The following TOP3A variants were observed in gnomAD, a reference collection of about 807,000 sequenced individuals.
TOP3A encodes DNA topoisomerase 3-alpha.
Under a neutral mutation model 111.3 loss-of-function variants are expected in TOP3A, and 64 were observed. That is an observed-to-expected ratio of 0.57 (90% CI 0.47 to 0.71). The LOEUF (loss-of-function observed/expected upper bound fraction) is 0.71, where lower values mean the gene tolerates loss of function less well. Ranked by LOEUF, TOP3A falls within the 30% of genes least tolerant of loss-of-function variation. The pLI is 0.00. For missense variants in TOP3A, 1,104 were observed against 1,285.0 expected (o/e 0.86, Z 2.15); for synonymous variants, 484 against 485.1 (o/e 1.00, Z 0.03).
chr17:18,287,300 G>A (rs1161172927), intron 13 of TOP3A, among the ~76,000 whole-genome samples: 1 of 151,824 alleles, frequency 6.6e-6, no homozygotes, highest in South Asian at 2.1e-4. Context: ...TTGGGAGACC[G>A]AGGCGGGTGG....
intron 13 of TOP3A, among the ~76,000 whole-genome samples, chr17:18,285,796 G>A (rs1980057641): frequency 1.3e-5 from 2 of 152,130 alleles, no homozygotes; most frequent in African/African-American, 4.8e-5. Context: ...AGCCATACTT[G>A]CAGCTTGTGT....
chr17:18,286,421 C>T (rs1238111637), intron 13 of TOP3A, among the ~76,000 whole-genome samples: 1 of 151,706 alleles, frequency 6.6e-6, no homozygotes, highest in Non-Finnish European at 1.5e-5. Flanking sequence ...GAGGCTGACA[C>T]AGAAGAATGG....
intron 5 of TOP3A, among the ~76,000 whole-genome samples, chr17:18,304,841 G>C (rs1377162365): frequency 6.6e-6 from 1 of 151,884 alleles, no homozygotes. Flanking sequence ...ATGAGTCCTG[G>C]GCTAAATGGT....
In TOP3A at chr17:18,314,836, G is replaced by C. The variant is rs981047938; in HGVS notation, c.-58C>G. ...CTGCCGGCGCATCCTGGGGAAGCCAGAGATGAGGCTCAAATGGCGCCCACC... is the reference window on the plus strand; with the variant it reads ...CTGCCGGCGCATCCTGGGGAAGCCACAGATGAGGCTCAAATGGCGCCCACC... On this transcript the variant is annotated 5_prime_UTR_variant, in exon 1 of 19. Coordinates refer to ENST00000321105, the MANE Select transcript of TOP3A (RefSeq NM_004618.5). 7.0e-7 allele frequency: 1 copy of C among 1,434,598 alleles called. No homozygotes were observed. The highest frequency in any genetic ancestry group is 2.7e-5 in the East Asian group (1 of 37,078). The allele number at this position is 1,434,598 out of a possible 1,614,324, so 88.9% of individuals were successfully genotyped here.
At position 18,314,895 on chromosome 17, in the gene TOP3A, C is replaced by T; in HGVS notation, c.-117G>A. 1 of 472,906 alleles carries T rather than the reference C, an allele frequency of 2.1e-6. No individual in the cohort carries two copies. The highest frequency in any genetic ancestry group is 3.4e-6 in the Non-Finnish European group (1 of 290,494). 29.3% of individuals were successfully genotyped at this position (472,906 alleles called of 1,614,324 possible). A position where few individuals can be genotyped will look rare whatever the true frequency, so the allele number is the denominator to read the frequency against. The stretch of plus-strand genomic sequence containing the variant: ...ACCAGAGCCTCGCTTCGGTCACGTC[C>T]CCACCAGCCTGCTGGCCTTTGGAGC... On this transcript the variant is annotated 5_prime_UTR_variant, in exon 1 of 19. Transcript: ENST00000321105.
At chr17:18,311,038 T>C (rs1390643365) in intron 1 of TOP3A, among the ~76,000 whole-genome samples, 3 of 151,786 alleles carry the variant, frequency 2.0e-5, no homozygotes, top group African/African-American at 4.8e-5. Flanking sequence ...TCTCACTCTG[T>C]TGCCCAGGCT....
At position 18,314,764 on chromosome 17, in the gene TOP3A, G is replaced by A. The variant is rs200033916; in HGVS notation, c.15C>T (p.Val5=). 5 of 1,552,454 alleles carry A rather than the reference G, an allele frequency of 3.2e-6. No homozygotes were observed. The Admixed American group carries it at 7.8e-5, about 24-fold the overall frequency. The change falls in exon 1 of 19, where the codon GTC becomes GTT. Residue 5 remains valine, a synonymous_variant. Coordinates refer to ENST00000321105, the MANE Select transcript of TOP3A (RefSeq NM_004618.5). MIFP[V]ARYALRWLRR... ...GCAGCCACCGGAGCGCGTAGCGGGCGACAGGAAAGATCATCCTCAGACCTC... is the reference window on the plus strand; with the variant it reads ...GCAGCCACCGGAGCGCGTAGCGGGCAACAGGAAAGATCATCCTCAGACCTC...
chr17:18,305,918 CT>C (rs148647012), intron 4 of TOP3A, among the ~76,000 whole-genome samples: 1,570 of 152,180 alleles, frequency 0.01, 27 homozygotes, highest in African/African-American at 0.036. Flanking sequence ...AATAAATTAA[CT>C]GGCCAGGCTC....
At chr17:18,306,787 G>T in intron 4 of TOP3A, 104 bp downstream of exon 4, 1 of 794,468 alleles carries the variant, frequency 1.3e-6, no homozygotes, top group Non-Finnish European at 2.1e-6. Context: ...AGTGACTTTG[G>T]TGGAAAACCT....
intron 13 of TOP3A, among the ~76,000 whole-genome samples, chr17:18,286,000 G>C (rs1396961302): frequency 6.6e-6 from 1 of 152,102 alleles, no homozygotes; most frequent in Non-Finnish European, 1.5e-5. Flanking sequence ...AGGAGTTCGA[G>C]ACCAGCCTGG....
chr17:18,280,787 G>A (rs1979712210), intron 16 of TOP3A, 129 bp from the exon 17 acceptor site: 1 of 1,031,764 alleles, frequency 9.7e-7, no homozygotes, highest in African/African-American at 1.6e-5. Context: ...CACTTAACTG[G>A]ATACACAAGC....
intron 17 of TOP3A, 87 bp downstream of exon 17, chr17:18,280,449 G>A: frequency 3.3e-6 from 5 of 1,492,556 alleles, no homozygotes; most frequent in Non-Finnish European, 4.5e-6. Flanking sequence ...TGGAATCCCC[G>A]ACACTCCTCT....
intron 1 of TOP3A, among the ~76,000 whole-genome samples, chr17:18,314,320 G>A (rs1325451522): frequency 6.6e-6 from 1 of 152,208 alleles, no homozygotes; most frequent in Non-Finnish European, 1.5e-5. Flanking sequence ...GGCAGCCAGC[G>A]CCCGAGGCGA....
intron 1 of TOP3A, chr17:18,312,794 T>C (rs1981993147): frequency 5.0e-6 from 1 of 199,586 alleles, no homozygotes; most frequent in Non-Finnish European, 1.1e-5. Flanking sequence ...ACGAGGCATC[T>C]GATGTATGTT....
chr17:18,283,752 A>T (rs1396265531), intron 15 of TOP3A, among the ~76,000 whole-genome samples: 1 of 152,190 alleles, frequency 6.6e-6, no homozygotes, highest in Non-Finnish European at 1.5e-5. Flanking sequence ...CTGACTGGCT[A>T]TAAACTGGGG....
At chr17:18,295,679 A>C (rs1247711872) in intron 9 of TOP3A, among the ~76,000 whole-genome samples, 4 of 143,580 alleles carry the variant, frequency 2.8e-5, no homozygotes, top group Admixed American at 2.1e-4. Context: ...GGCTGGTCTC[A>C]AATTCCTGAC....
At chr17:18,312,564 A>C (rs1981978927) in intron 1 of TOP3A, 1 of 176,706 alleles carries the variant, frequency 5.7e-6, no homozygotes, top group African/African-American at 2.3e-5. Context: ...ATCTGCTGTC[A>C]CTGGGGAGGC....
At chr17:18,297,038 T>C (rs1033625667) in intron 9 of TOP3A, among the ~76,000 whole-genome samples, 3 of 152,234 alleles carry the variant, frequency 2.0e-5, no homozygotes, top group African/African-American at 4.8e-5. Flanking sequence ...GAGATACTAG[T>C]AATTATGTAA....
chr17:18,273,110 C>A lies in TOP3A; in HGVS notation c.*1692G>T, dbSNP rs1979098477. 6 of 152,166 alleles carry A rather than the reference C, an allele frequency of 3.9e-5. No homozygotes were observed. Among genetic ancestry groups the A allele is most frequent in the Admixed American group, 3.9e-4 (6 of 15,270 alleles). 9.4% of individuals were successfully genotyped at this position (152,166 alleles called of 1,614,324 possible). On this transcript the variant is annotated 3_prime_UTR_variant, in exon 19 of 19. Transcript: ENST00000321105. ...ATGTTCCAGGAACAATCTCAGGAACCTGCATTTGTAAAAATCCTCCCCAAT... is the reference window on the plus strand; with the variant it reads ...ATGTTCCAGGAACAATCTCAGGAACATGCATTTGTAAAAATCCTCCCCAAT...
Sources: gnomAD v4.1 joint callset for allele counts (sites outside exome capture counted in the v4.1 genomes callset) on GRCh38, gnomAD v4.1.1 for gene constraint, MANE v1.5 for transcripts, NCBI Gene and HGNC (gene_info 2026-07-23, HGNC 2026-07-21) for gene names.